The following CNBD1 variants were observed in gnomAD, a reference collection of about 807,000 sequenced individuals.
CNBD1 encodes cyclic nucleotide binding domain containing 1.
In CNBD1, 71 loss-of-function variants were observed where a neutral mutation model predicts 54.4. The ratio of observed to expected loss-of-function variants is 1.30; its 90% CI spans 1.08 to 1.59. CNBD1 has a LOEUF of 1.59. Among genes scored for constraint, CNBD1 ranks in the 40% most tolerant of loss-of-function variants. The pLI is 0.00. For synonymous variants in CNBD1, 182 were observed against 170.7 expected, an observed-to-expected ratio of 1.07 and a Z score of -0.51; for missense variants, 659 against 518.0, an observed-to-expected ratio of 1.27 and a Z score of -2.64.
chr8:87,371,103 C>T (rs1308173907), intron 10 of CNBD1, among the ~76,000 whole-genome samples: 1 of 151,462 alleles, frequency 6.6e-6, no homozygotes, highest in Non-Finnish European at 1.5e-5. Context: ...GTTTTGGTAC[C>T]AGTACCATGC....
At position 87,226,743 on chromosome 8, in the gene CNBD1, A is replaced by C. The variant is rs576595097; in HGVS notation, c.578-10176A>C. On this transcript the variant is annotated intron_variant, in intron 5 of 10. Coordinates refer to ENST00000518476, the MANE Select transcript of CNBD1 (RefSeq NM_173538.3). ...TTGATTTGGGTGGAGAGTTCTGTAGATGTCTATTAGGTCCGCTTGGTGCAG... is the reference window on the plus strand; with the variant it reads ...TTGATTTGGGTGGAGAGTTCTGTAGCTGTCTATTAGGTCCGCTTGGTGCAG... Among the ~76,000 whole-genome samples, 96 of 151,980 alleles carry C rather than the reference A, an allele frequency of 6.3e-4. 2 individuals carry two copies. The highest frequency in any genetic ancestry group is 2.2e-3 in the African/African-American group (90 of 41,332).
chr8:87,116,383 A>G (rs1372020437), intron 4 of CNBD1, among the ~76,000 whole-genome samples: 2 of 151,086 alleles, frequency 1.3e-5, no homozygotes, highest in Admixed American at 1.3e-4. Flanking sequence ...TGTGGTTTTT[A>G]AAGTCTTTTT....
At chr8:87,365,390 G>A (rs968678079) in intron 10 of CNBD1, among the ~76,000 whole-genome samples, 3 of 151,838 alleles carry the variant, frequency 2.0e-5, no homozygotes, top group African/African-American at 7.3e-5. Context: ...ATAGATTCTG[G>A]ATATTAGACC....
At chr8:87,245,218 G>T (rs137942205) in intron 6 of CNBD1, among the ~76,000 whole-genome samples, 2 of 151,856 alleles carry the variant, frequency 1.3e-5, no homozygotes, top group Non-Finnish European at 2.9e-5. Context: ...CAAACATTGG[G>T]TCATAGTAAA....
Position 87,356,793 on chromosome 8 carries a change from G to A in CNBD1, c.1303+3007G>A, listed in dbSNP as rs143918725. Among the ~76,000 whole-genome samples, 3 of 152,290 alleles carry A rather than the reference G, an allele frequency of 2.0e-5. 1 individual carries two copies. The highest frequency in any genetic ancestry group is 7.2e-5 in the African/African-American group (3 of 41,568). ...TAGCTTGACTAAAAGGGAGACAAGT[G>A]CCAATATTCAAGATAATGGGAGAAG... is the stretch of plus-strand genomic sequence containing the variant. On this transcript the variant is annotated intron_variant, in intron 10 of 10. Transcript: ENST00000518476.
intron 5 of CNBD1, among the ~76,000 whole-genome samples, chr8:87,216,741 C>T (rs1474421886): frequency 6.6e-6 from 1 of 152,152 alleles, no homozygotes; most frequent in Admixed American, 6.5e-5. Flanking sequence ...CAACCTTTAG[C>T]TTTGTTTTAC....
intron 6 of CNBD1, among the ~76,000 whole-genome samples, chr8:87,268,591 A>G (rs1374754487): frequency 1.3e-5 from 2 of 151,998 alleles, no homozygotes; most frequent in African/African-American, 4.8e-5. Flanking sequence ...CCTCACCAAC[A>G]TCTGTTGTTT....
intron 10 of CNBD1, among the ~76,000 whole-genome samples, chr8:87,380,720 A>G (rs1198541166): frequency 6.6e-6 from 1 of 151,946 alleles, no homozygotes; most frequent in Non-Finnish European, 1.5e-5. Flanking sequence ...TCAGTAAACA[A>G]GTCTTTTACC....
chr8:87,320,627 C>A (rs2878855), intron 8 of CNBD1, among the ~76,000 whole-genome samples: 2 of 144,578 alleles, frequency 1.4e-5, no homozygotes, highest in African/African-American at 5.3e-5. Context: ...TGTGGGGGGG[C>A]GGCTCAGGGT....
chr8:86,906,627 A>G (rs1809022113), intron 3 of CNBD1, among the ~76,000 whole-genome samples: 1 of 152,230 alleles, frequency 6.6e-6, no homozygotes, highest in South Asian at 2.1e-4. Context: ...TTGATTAGAA[A>G]GAGACCTGTA....
At chr8:87,272,410 T>C (rs1309608127) in intron 6 of CNBD1, among the ~76,000 whole-genome samples, 3 of 152,018 alleles carry the variant, frequency 2.0e-5, no homozygotes, top group African/African-American at 7.2e-5. Context: ...ACATTGAATT[T>C]AGGCTGACAC....
intron 8 of CNBD1, among the ~76,000 whole-genome samples, chr8:87,337,324 G>A (rs1417282511): frequency 6.6e-6 from 1 of 152,174 alleles, no homozygotes; most frequent in Non-Finnish European, 1.5e-5. Flanking sequence ...CTGCTGGTTT[G>A]TGGGGACTTC....
intron 2 of CNBD1, among the ~76,000 whole-genome samples, chr8:87,396,504 G>A (rs754994109): frequency 5.3e-5 from 8 of 151,710 alleles, no homozygotes; most frequent in African/African-American, 1.5e-4. Flanking sequence ...TAAGTCTTCC[G>A]TGGCACAGAT....
intron 4 of CNBD1, among the ~76,000 whole-genome samples, chr8:86,944,149 G>A (rs1394620975): frequency 6.6e-6 from 1 of 152,236 alleles, no homozygotes; most frequent in Non-Finnish European, 1.5e-5. Context: ...GAAGAAGGGG[G>A]AAATGATGAT....
chr8:87,116,224 CAG>C (rs1811765729), intron 4 of CNBD1, among the ~76,000 whole-genome samples: 1 of 99,434 alleles, frequency 1.0e-5, no homozygotes, highest in Non-Finnish European at 1.8e-5. Context: ...TTTTTTGAGA[CAG>C]AGTCTTGCTT....
chr8:86,925,888 G>A (rs1480148411), intron 3 of CNBD1, among the ~76,000 whole-genome samples: 1 of 152,110 alleles, frequency 6.6e-6, no homozygotes, highest in Non-Finnish European at 1.5e-5. Flanking sequence ...AAGATGGCAG[G>A]AACCCAAAGA....
chr8:87,147,780 G>T (rs969394781), intron 4 of CNBD1, among the ~76,000 whole-genome samples: 3 of 152,034 alleles, frequency 2.0e-5, no homozygotes, highest in African/African-American at 7.2e-5. Context: ...CCCAAAAAAA[G>T]GAAACTGTCA....
At chr8:87,338,921 C>T (rs1810008241) in intron 8 of CNBD1, among the ~76,000 whole-genome samples, 1 of 151,982 alleles carries the variant, frequency 6.6e-6, no homozygotes, top group African/African-American at 2.4e-5. Flanking sequence ...ATACTCAGAC[C>T]TCAGTGTTTT....
intron 8 of CNBD1, among the ~76,000 whole-genome samples, chr8:87,331,689 A>G (rs1253020334): frequency 1.3e-5 from 2 of 152,192 alleles, no homozygotes; most frequent in East Asian, 3.9e-4. Context: ...GCAATGTAAA[A>G]GCATTTGTCT....
Sources: allele counts gnomAD v4.1 joint callset (sites outside exome capture counted in the v4.1 genomes callset), GRCh38; gene constraint gnomAD v4.1.1; transcripts MANE v1.5; gene names NCBI Gene and HGNC (gene_info 2026-07-23, HGNC 2026-07-21).